PACRG: variants seen among roughly 807,000 people sequenced by gnomAD.
The protein encoded by PACRG is parkin coregulated gene protein.
PACRG carries 29 observed loss-of-function variants against 29.7 expected under a neutral mutation model. That is an observed-to-expected ratio of 0.98 (90% CI 0.73 to 1.33). The LOEUF is 1.33. PACRG is among the 40% of genes most tolerant of loss of function. The probability of loss-of-function intolerance (pLI) is 0.00; values close to 1 mark genes in which losing one functional copy is unlikely to be tolerated. For missense variants in PACRG, 279 were observed against 316.2 expected (o/e 0.88, Z 0.89); for synonymous variants, 116 against 118.7 (o/e 0.98, Z 0.15).
chr6:163,109,593 A>G (rs1013646681), intron 4 of PACRG, among the ~76,000 whole-genome samples: 5 of 152,202 alleles, frequency 3.3e-5, no homozygotes, highest in African/African-American at 1.2e-4. Context: ...GCATTTTAGT[A>G]AGTAGAGCAT....
intron 2 of PACRG, among the ~76,000 whole-genome samples, chr6:162,842,619 G>C (rs1246522677): frequency 8.6e-6 from 1 of 115,978 alleles, no homozygotes; most frequent in East Asian, 2.8e-4. Context: ...ATTGTTATGT[G>C]TGAATTTGAT....
At chr6:162,861,547 A>T (rs1791862506) in intron 2 of PACRG, among the ~76,000 whole-genome samples, 1 of 152,162 alleles carries the variant, frequency 6.6e-6, no homozygotes, top group Non-Finnish European at 1.5e-5. Flanking sequence ...GTTCTTAGCT[A>T]CCTATCAAAG....
chr6:163,310,994 G>A (rs1370817525), intron 4 of PACRG: 1 of 152,228 alleles, frequency 6.6e-6, no homozygotes, highest in Non-Finnish European at 1.5e-5. Flanking sequence ...TATCCGGAAA[G>A]AGAAAGCATC....
At chr6:162,773,166 G>A (rs1165835221) in intron 1 of PACRG, among the ~76,000 whole-genome samples, 14 of 152,242 alleles carry the variant, frequency 9.2e-5, no homozygotes, top group Non-Finnish European at 2.9e-5. Flanking sequence ...GCAAGGAATG[G>A]TGCCACAGAA....
At chr6:162,845,023 A>G (rs2128416390) in intron 2 of PACRG, among the ~76,000 whole-genome samples, 1 of 152,286 alleles carries the variant, frequency 6.6e-6, no homozygotes, top group East Asian at 1.9e-4. Context: ...TTTGTCAAAT[A>G]ATCTCGTATC....
chr6:163,249,672 C>T (rs1248371125), intron 4 of PACRG, among the ~76,000 whole-genome samples: 4 of 152,238 alleles, frequency 2.6e-5, no homozygotes, highest in Admixed American at 6.5e-5. Context: ...TGCCAGGCCA[C>T]GAAGACTTAG....
chr6:162,902,058 T>G (rs1013009068), intron 2 of PACRG, among the ~76,000 whole-genome samples: 1 of 152,228 alleles, frequency 6.6e-6, no homozygotes, highest in African/African-American at 2.4e-5. Context: ...TCTCTTCTTC[T>G]TAATCGTTTT....
chr6:163,132,101 A>G (rs975281109), intron 4 of PACRG, among the ~76,000 whole-genome samples: 3 of 152,226 alleles, frequency 2.0e-5, no homozygotes, highest in African/African-American at 7.2e-5. Context: ...CTTACTATAT[A>G]TTAATTTTAA....
chr6:162,856,416 T>C (rs553161828), intron 2 of PACRG, among the ~76,000 whole-genome samples: 2 of 152,188 alleles, frequency 1.3e-5, no homozygotes, highest in African/African-American at 4.8e-5. Flanking sequence ...TATCGGGTAC[T>C]TTAATAGTGA....
At chr6:162,754,628 C>G (rs575790021) in intron 1 of PACRG, among the ~76,000 whole-genome samples, 2 of 149,984 alleles carry the variant, frequency 1.3e-5, no homozygotes, top group African/African-American at 4.9e-5. Context: ...TTTTTTTTAT[C>G]TCTTTTGAGT....
chr6:163,259,284 T>C (rs1783230351), intron 4 of PACRG, among the ~76,000 whole-genome samples: 1 of 152,206 alleles, frequency 6.6e-6, no homozygotes, highest in Admixed American at 6.5e-5. Context: ...GACTGGCTAA[T>C]AACTGCTATG....
chr6:162,921,647 C>A (rs1221984341), intron 2 of PACRG, among the ~76,000 whole-genome samples: 1 of 152,088 alleles, frequency 6.6e-6, no homozygotes, highest in Non-Finnish European at 1.5e-5. Flanking sequence ...CTTCCCCCTA[C>A]CCCCATTTAC....
chr6:163,202,827 G>C (rs1562313973), intron 4 of PACRG, among the ~76,000 whole-genome samples: 1 of 152,192 alleles, frequency 6.6e-6, no homozygotes, highest in East Asian at 1.9e-4. Flanking sequence ...TTCACATGGA[G>C]TTATAAATAC....
chr6:162,867,973 A>T (rs1010211887), intron 2 of PACRG, among the ~76,000 whole-genome samples: 1 of 152,184 alleles, frequency 6.6e-6, no homozygotes, highest in Admixed American at 6.5e-5. Context: ...TCTCATCAAT[A>T]AAAGGGAGAG....
chr6:163,013,555 C>A (rs1004829055), intron 2 of PACRG, among the ~76,000 whole-genome samples: 7 of 152,044 alleles, frequency 4.6e-5, no homozygotes, highest in Non-Finnish European at 1.5e-5. Context: ...TTTGGATGTC[C>A]TTCTAAAAAT....
In PACRG at chr6:162,730,525, C is replaced by T. The variant is rs185233279; in HGVS notation, c.156+2134C>T. On this transcript the variant is annotated intron_variant, in intron 1 of 4. Transcript: ENST00000366888. Reference sequence around the variant, plus strand: ...ATCATAAGGAGTTATACAGAGACTCCTGATATTTCTCTGAGTGCGATAGTG... The same window carrying T: ...ATCATAAGGAGTTATACAGAGACTCTTGATATTTCTCTGAGTGCGATAGTG... Among the ~76,000 whole-genome samples, 101 of 152,156 alleles carry T rather than the reference C, an allele frequency of 6.6e-4. No individual in the cohort carries two copies. The East Asian group carries it at 9.7e-3, about 15-fold the overall frequency.
intron 2 of PACRG, among the ~76,000 whole-genome samples, chr6:162,834,546 AC>A (rs1357274801): frequency 6.6e-6 from 1 of 151,828 alleles, no homozygotes; most frequent in Non-Finnish European, 1.5e-5. Context: ...ATTCACTTTT[AC>A]CTGCAAAGAC....
chr6:163,023,477 G>C (rs1427836605), intron 2 of PACRG, among the ~76,000 whole-genome samples: 4 of 152,220 alleles, frequency 2.6e-5, no homozygotes, highest in African/African-American at 9.7e-5. Flanking sequence ...CTCCACTGTT[G>C]ATGGGCACCG....
chr6:162,966,896 C>T (rs1485774215), intron 2 of PACRG, among the ~76,000 whole-genome samples: 2 of 152,262 alleles, frequency 1.3e-5, no homozygotes, highest in Non-Finnish European at 1.5e-5. Context: ...GGAATATAGT[C>T]TCTTTCTGGC....
Sources: gnomAD v4.1 joint callset for allele counts (sites outside exome capture counted in the v4.1 genomes callset) on GRCh38, gnomAD v4.1.1 for gene constraint, MANE v1.5 for transcripts, NCBI Gene and HGNC (gene_info 2026-07-23, HGNC 2026-07-21) for gene names.